ANKRD28: variants seen among roughly 807,000 people sequenced by gnomAD.
ANKRD28 encodes serine/threonine-protein phosphatase 6 regulatory ankyrin repeat subunit A.
Under a neutral mutation model 126.5 loss-of-function variants are expected in ANKRD28, and 44 were observed. The observed-to-expected ratio is 0.35, with a 90% CI of 0.27 to 0.45. The LOEUF is 0.45. ANKRD28 is among the 20% of genes least tolerant of loss of function. The pLI is 1.00. For synonymous variants in ANKRD28, 442 were observed against 468.5 expected, an observed-to-expected ratio of 0.94 and a Z score of 0.73; for missense variants, 1,110 against 1,316.6, an observed-to-expected ratio of 0.84 and a Z score of 2.43.
chr3:15,674,830 G>A (rs2066767380), intron 27 of ANKRD28, among the ~76,000 whole-genome samples: 9 of 152,210 alleles, frequency 5.9e-5, no homozygotes, highest in Admixed American at 5.9e-4. Context: ...GAAACGATCA[G>A]TTGTGCCAAA....
At chr3:15,673,134 C>G (rs1194675959) in intron 27 of ANKRD28, among the ~76,000 whole-genome samples, 1 of 152,202 alleles carries the variant, frequency 6.6e-6, no homozygotes, top group African/African-American at 2.4e-5. Context: ...CCCACTTTCT[C>G]CTTATCCTTT....
intron 1 of ANKRD28, among the ~76,000 whole-genome samples, chr3:15,808,656 T>C (rs1366710286): frequency 1.3e-5 from 2 of 152,212 alleles, no homozygotes; most frequent in African/African-American, 4.8e-5. Flanking sequence ...ACCTTACTTT[T>C]TCAATTCTGA....
At chr3:15,712,724 AAGG>A (rs1260699370) in intron 10 of ANKRD28, among the ~76,000 whole-genome samples, 1 of 152,230 alleles carries the variant, frequency 6.6e-6, no homozygotes, top group Non-Finnish European at 1.5e-5. Flanking sequence ...ATTTGCAAAT[AAGG>A]AGAATGAATA....
At chr3:15,676,100 C>T in intron 26 of ANKRD28, 111 bp from the exon 27 acceptor site, 1 of 788,716 alleles carries the variant, frequency 1.3e-6, no homozygotes, top group South Asian at 2.0e-5. Flanking sequence ...CCAAGAGGTA[C>T]AAACTCGAGA....
intron 1 of ANKRD28, among the ~76,000 whole-genome samples, chr3:15,809,228 T>C (rs2060655377): frequency 6.6e-6 from 1 of 152,204 alleles, no homozygotes; most frequent in Admixed American, 6.5e-5. Flanking sequence ...TTTCCTAAAC[T>C]CTGTCTTCAC....
chr3:15,749,295 G>C (rs1215983417), intron 4 of ANKRD28, among the ~76,000 whole-genome samples: 2 of 150,738 alleles, frequency 1.3e-5, no homozygotes, highest in Non-Finnish European at 3.0e-5. Context: ...TATTTTTTTA[G>C]TAGAGACGGG....
chr3:15,789,473 A>G (rs988866539), intron 2 of ANKRD28, among the ~76,000 whole-genome samples: 3 of 152,076 alleles, frequency 2.0e-5, no homozygotes, highest in African/African-American at 7.2e-5. Flanking sequence ...GAAAATGTAC[A>G]GGAGAGTCTC....
At chr3:15,823,210 T>G (rs1414756722) in intron 1 of ANKRD28, among the ~76,000 whole-genome samples, 1 of 152,162 alleles carries the variant, frequency 6.6e-6, no homozygotes, top group African/African-American at 2.4e-5. Context: ...CTAGATCTCT[T>G]GCATGCACAG....
At chr3:15,852,668 C>T (rs2061678738) in intron 1 of ANKRD28, among the ~76,000 whole-genome samples, 1 of 151,332 alleles carries the variant, frequency 6.6e-6, no homozygotes, top group Admixed American at 6.6e-5. Flanking sequence ...CCCGTCTCTA[C>T]TAAAAATACA....
chr3:15,697,430 T>C (rs890520553), intron 14 of ANKRD28: 2 of 152,092 alleles, frequency 1.3e-5, no homozygotes, highest in African/African-American at 4.8e-5. Flanking sequence ...ATAAAGAACT[T>C]ATCTATGTAA....
rs1030237714 is a variant in ANKRD28, at chr3:15,797,624, T to C, written c.-1103A>G. ...TCCAGTGTTTCCTTTGATCTCCACA[T>C]GAATACAGCTTCCATTAAACAGTCT... On this transcript the variant is annotated 5_prime_UTR_variant, in exon 1 of 28. An upstream start codon of the reference 5' UTR is lost. Transcript: ENST00000683139. 2.0e-6 allele frequency: 2 copies of C among 985,192 alleles called. No individual in the cohort carries two copies. Among genetic ancestry groups the C allele is most frequent in the South Asian group, 4.7e-5 (1 of 21,286 alleles). The allele number at this position is 985,192 out of a possible 1,614,324, so 61.0% of individuals were successfully genotyped here.
intron 1 of ANKRD28, among the ~76,000 whole-genome samples, chr3:15,808,762 T>C (rs1274056458): frequency 6.6e-6 from 1 of 152,166 alleles, no homozygotes; most frequent in Non-Finnish European, 1.5e-5. Context: ...TCCTTTTGTT[T>C]GTTTGTTTGT....
intron 13 of ANKRD28, among the ~76,000 whole-genome samples, chr3:15,708,405 C>T (rs925479426): frequency 2.0e-5 from 3 of 151,968 alleles, no homozygotes; most frequent in Non-Finnish European, 4.4e-5. Flanking sequence ...GTTTCCCCTA[C>T]ATTAATAAAA....
At chr3:15,779,901 T>A (rs1033340275) in intron 2 of ANKRD28, among the ~76,000 whole-genome samples, 2 of 152,142 alleles carry the variant, frequency 1.3e-5, no homozygotes, top group African/African-American at 4.8e-5. Context: ...TGTAGAATAA[T>A]AAAACACTAA....
At chr3:15,722,596 T>TTA (rs2073845840) in intron 7 of ANKRD28, among the ~76,000 whole-genome samples, 1 of 152,216 alleles carries the variant, frequency 6.6e-6, no homozygotes, top group African/African-American at 2.4e-5. Flanking sequence ...AACTTATAGT[T>TTA]GGTCATAAGT....
At position 15,708,025 on chromosome 3, in the gene ANKRD28, C is replaced by T; in HGVS notation, c.1446G>A (p.Gln482=). The change falls in exon 14 of 28, where the codon CAG becomes CAA. Residue 482 remains glutamine (Q), a synonymous_variant. Coordinates refer to ENST00000683139, the MANE Select transcript of ANKRD28 (RefSeq NM_001349278.2). ...CTGATCCCACAAGAGCAAACAGGCA[C>T]TGGTAATTGCAGTTGGCAGCAGCGT... ...LHYAAANCNY[Q]CLFALVGSGA... 4 of 1,610,262 alleles carry T rather than the reference C, an allele frequency of 2.5e-6. No individual in the cohort carries two copies. Among genetic ancestry groups the T allele is most frequent in the South Asian group, 1.1e-5 (1 of 90,184 alleles).
At chr3:15,850,224 T>TATATATATATATATATATATATAGAG (rs1418223588) in intron 1 of ANKRD28, among the ~76,000 whole-genome samples, 2 of 35,112 alleles carry the variant, frequency 5.7e-5, no homozygotes, top group Non-Finnish European at 1.2e-4. Flanking sequence ...TATATATATA[T>TATATATATATATATATATATATAGAG]AGAGAGAGAG....
rs887418707 is a variant in ANKRD28 at position 15,854,959 on chromosome 3, G to A, written c.27+4418C>T. Reference sequence around the variant, plus strand: ...AGCTACTAGGGAGGCTGAGGCAGGAGAATTGCTTGAACTAGGGAGGCAGAG... The same window carrying A: ...AGCTACTAGGGAGGCTGAGGCAGGAAAATTGCTTGAACTAGGGAGGCAGAG... On this transcript the variant is annotated intron_variant, in intron 1 of 27. Transcript: ENST00000399451. This position sits in a 1 kb window ranked among gnomAD's most constrained non-coding sequence, Gnocchi z 4.1. Among the ~76,000 whole-genome samples, 2 of 152,200 alleles carry A rather than the reference G, an allele frequency of 1.3e-5. No homozygotes were observed. Among genetic ancestry groups the A allele is most frequent in the African/African-American group, 4.8e-5 (2 of 41,450 alleles).
At chr3:15,801,900 C>G (rs745818456), upstream of ANKRD28, among the ~76,000 whole-genome samples, 1 of 152,144 alleles carries the variant, frequency 6.6e-6, no homozygotes, top group Non-Finnish European at 1.5e-5. This position sits in a 1 kb window ranked among gnomAD's most constrained non-coding sequence, Gnocchi z 4.9. Context: ...TATCGTTTGA[C>G]GATCTCAAGT....
Sources: allele counts gnomAD v4.1 joint callset (sites outside exome capture counted in the v4.1 genomes callset), GRCh38; gene constraint gnomAD v4.1.1; non-coding constraint Gnocchi (gnomAD v3.1); transcripts MANE v1.5; gene names NCBI Gene and HGNC (gene_info 2026-07-23, HGNC 2026-07-21).